GALNT16: variants seen among roughly 807,000 people sequenced by gnomAD.
GALNT16 encodes polypeptide N-acetylgalactosaminyltransferase 16, also known as UDP-GalNAc:polypeptide N-acetylgalactosaminyltransferase-like protein 1.
A neutral mutation model predicts 76.1 loss-of-function variants in GALNT16; 40 were observed. The ratio of observed to expected loss-of-function variants is 0.53; its 90% CI spans 0.41 to 0.68. GALNT16 has a LOEUF of 0.68. Among genes scored for constraint, GALNT16 ranks in the 30% least tolerant of loss-of-function variants. The pLI, the probability that GALNT16 is intolerant of heterozygous loss-of-function variation, is 0.00. For synonymous variants in GALNT16, 276 were observed against 285.2 expected (o/e 0.97, Z 0.32); for missense variants, 621 against 731.9 (o/e 0.85, Z 1.75).
the GALNT16 span, among the ~76,000 whole-genome samples, chr14:69,363,141 T>C: frequency 4.6e-5 from 7 of 152,298 alleles, no homozygotes; most frequent in East Asian, 1.9e-4. Flanking sequence ...CTGTCTGACA[T>C]GACTTAGGTT....
intron 14 of GALNT16, chr14:69,350,014 C>T (rs143090938): frequency 0.055 from 8,307 of 152,166 alleles, 290 homozygotes; most frequent in South Asian, 0.12. Flanking sequence ...GAGTTCGAGA[C>T]CAGCCTGACC....
At chr14:69,292,930 T>C (rs1301139488) in intron 1 of GALNT16, among the ~76,000 whole-genome samples, 1 of 152,226 alleles carries the variant, frequency 6.6e-6, no homozygotes, top group Non-Finnish European at 1.5e-5. Context: ...ACTTCCTTAA[T>C]GAACTGTAAT....
rs1303176670 is a variant in GALNT16, at chr14:69,324,711, T to G, written c.355T>G (p.Ser119Ala). 6.2e-6 allele frequency: 10 copies of G among 1,611,286 alleles called. No individual in the cohort carries two copies. Among genetic ancestry groups the G allele is most frequent in the Non-Finnish European group, 8.5e-6 (10 of 1,178,288 alleles). The change falls in exon 3 of 15, where the codon TCC becomes GCC. Residue 119 changes from serine to alanine, a missense_variant. Coordinates refer to ENST00000448469, the MANE Select transcript of GALNT16 (RefSeq NM_001168368.2). The part of the protein sequence containing the change: ...RHYSCPSVSY[S>A]SDLPATSVII... ...TCTCAGCTGCCCATCTGTGTCCTAC[T>G]CCTCGGACCTGCCAGCCACCAGCGT... is the stretch of plus-strand genomic sequence containing the variant.
chr14:69,369,294 T>C, the GALNT16 span, among the ~76,000 whole-genome samples: 1 of 152,238 alleles, frequency 6.6e-6, no homozygotes, highest in Admixed American at 6.5e-5. Flanking sequence ...TGGCACATAG[T>C]AAGTGCTAAG....
At chr14:69,372,636 C>T in the GALNT16 span, among the ~76,000 whole-genome samples, 2 of 151,906 alleles carry the variant, frequency 1.3e-5, no homozygotes, top group Admixed American at 1.3e-4. Flanking sequence ...GCTGGGATTA[C>T]AGGCGCATGC....
At chr14:69,332,430 T>A (rs2045362696) in intron 7 of GALNT16, 1 of 152,828 alleles carries the variant, frequency 6.5e-6, no homozygotes, top group Non-Finnish European at 1.5e-5. Flanking sequence ...AGTAGCCACA[T>A]GAAGTTAGTG....
the GALNT16 span, among the ~76,000 whole-genome samples, chr14:69,385,558 T>A: frequency 1.3e-4 from 20 of 151,934 alleles, no homozygotes; most frequent in South Asian, 1.7e-3. Flanking sequence ...AAACTTACCA[T>A]TACTTTTCCC....
At chr14:69,337,789 CT>C (rs1190744581) in intron 9 of GALNT16, among the ~76,000 whole-genome samples, 3 of 152,140 alleles carry the variant, frequency 2.0e-5, no homozygotes, top group African/African-American at 7.2e-5. Flanking sequence ...CCACTCTGCC[CT>C]TTGCTAGTTA....
chr14:69,376,858 G>A, the GALNT16 span, among the ~76,000 whole-genome samples: 1 of 152,044 alleles, frequency 6.6e-6, no homozygotes, highest in Non-Finnish European at 1.5e-5. Flanking sequence ...TTGTAAATGC[G>A]GCATGCTCCT....
rs1594874064 is a variant in GALNT16 at position 69,353,278 on chromosome 14, G to T, written c.*1110G>T. ...ACCCTTATTCCCCTCCCCGCTACAG[G>T]AGCCCCTAAGTCATTAGGGCTCAAC... On this transcript the variant is annotated 3_prime_UTR_variant, in exon 15 of 15. Coordinates refer to ENST00000448469, the MANE Select transcript of GALNT16 (RefSeq NM_001168368.2). 1 of 151,808 alleles carries T rather than the reference G, an allele frequency of 6.6e-6. No homozygotes were observed. The highest frequency in any genetic ancestry group is 1.9e-4 in the East Asian group (1 of 5,180). 9.4% of individuals were successfully genotyped at this position (151,808 alleles called of 1,614,324 possible).
intron 1 of GALNT16, among the ~76,000 whole-genome samples, chr14:69,290,365 G>A (rs976858857): frequency 1.6e-4 from 24 of 152,174 alleles, no homozygotes; most frequent in Non-Finnish European, 5.9e-5. Flanking sequence ...CAGGAAGGCG[G>A]GGGAAGAAAA....
intron 1 of GALNT16, among the ~76,000 whole-genome samples, chr14:69,306,434 G>A (rs1278348774): frequency 6.6e-6 from 1 of 151,998 alleles, no homozygotes; most frequent in African/African-American, 2.4e-5. Context: ...ATTTATACCA[G>A]TTTATACTCC....
chr14:69,282,502 G>A (rs553828111), intron 1 of GALNT16, among the ~76,000 whole-genome samples: 19 of 152,018 alleles, frequency 1.2e-4, no homozygotes, highest in Non-Finnish European at 2.5e-4. Flanking sequence ...CCTTCCCCAC[G>A]ATGATCGCCC....
At chr14:69,322,387 C>T (rs2045201114) in intron 2 of GALNT16, among the ~76,000 whole-genome samples, 1 of 152,228 alleles carries the variant, frequency 6.6e-6, no homozygotes, top group African/African-American at 2.4e-5. Context: ...TCTAGAGGAT[C>T]TGTTGGCCCC....
chr14:69,347,772 A>T lies in GALNT16; in HGVS notation c.1414-105A>T. On this transcript the variant is annotated intron_variant, in intron 13 of 14. Coordinates refer to ENST00000448469, the MANE Select transcript of GALNT16 (RefSeq NM_001168368.2). ...CCCTAGCTCCTACAATTATTTGTAG[A>T]AATCTTACAAAAATATGCCGTGTTT... is the stretch of plus-strand genomic sequence containing the variant. 2.5e-6 allele frequency: 3 copies of T among 1,201,358 alleles called. No individual in the cohort carries two copies. The South Asian group carries it at 4.1e-5, about 16-fold the overall frequency. 74.4% of individuals were successfully genotyped at this position (1,201,358 alleles called of 1,614,324 possible).
chr14:69,275,718 G>A (rs1462178599), intron 1 of GALNT16, among the ~76,000 whole-genome samples: 1 of 152,204 alleles, frequency 6.6e-6, no homozygotes, highest in Non-Finnish European at 1.5e-5. Flanking sequence ...AATTAGCCAG[G>A]CATGGTGGCA....
Position 69,318,451 on chromosome 14 carries a change from T to C in GALNT16, c.178-2260T>C, listed in dbSNP as rs140600422. On this transcript the variant is annotated intron_variant, in intron 1 of 14. Coordinates refer to ENST00000448469, the MANE Select transcript of GALNT16 (RefSeq NM_001168368.2). ...AACCTTACTTCTGCTTCCTGGCACA[T>C]AGGAGGCGCTTGGTGGAGCTTTGTT... Among the ~76,000 whole-genome samples the C allele has an allele frequency of 1.8e-3, 280 of 152,276 alleles. 1 individual carries two copies. Among genetic ancestry groups the C allele is most frequent in the African/African-American group, 6.3e-3 (262 of 41,562 alleles).
intron 1 of GALNT16, among the ~76,000 whole-genome samples, chr14:69,287,277 T>C (rs2140123795): frequency 6.6e-6 from 1 of 152,366 alleles, no homozygotes; most frequent in Non-Finnish European, 1.5e-5. Flanking sequence ...AAAATCCCTG[T>C]TGGTTCCCTG....
At chr14:69,339,681 A>G (rs1484981591) in intron 11 of GALNT16, 62 bp downstream of exon 11, 1 of 1,050,102 alleles carries the variant, frequency 9.5e-7, no homozygotes, top group Non-Finnish European at 1.4e-6. Flanking sequence ...CCCCAGCAAA[A>G]TACGAAGTGG....
Sources: allele counts gnomAD v4.1 joint callset (sites outside exome capture counted in the v4.1 genomes callset), GRCh38; gene constraint gnomAD v4.1.1; transcripts MANE v1.5; gene names NCBI Gene and HGNC (gene_info 2026-07-23, HGNC 2026-07-21).